Variants in GOLGA3 observed in about 807,000 individuals in gnomAD.
GOLGA3 encodes the protein golgin subfamily A member 3.
A neutral mutation model predicts 169.4 loss-of-function variants in GOLGA3; 75 were observed. That is an observed-to-expected ratio of 0.44 (90% CI 0.37 to 0.54). The LOEUF is 0.54. GOLGA3 is among the 20% of genes least tolerant of loss of function. The probability of loss-of-function intolerance (pLI) is 0.00; values close to 1 mark genes in which losing one functional copy is unlikely to be tolerated. For missense variants in GOLGA3, 1,899 were observed against 1,930.0 expected, an observed-to-expected ratio of 0.98 and a Z score of 0.30; for synonymous variants, 824 against 822.4, an observed-to-expected ratio of 1.00 and a Z score of -0.03.
intron 9 of GOLGA3, among the ~76,000 whole-genome samples, chr12:132,797,504 A>G (rs1244485309): frequency 6.6e-6 from 1 of 152,230 alleles, no homozygotes; most frequent in Non-Finnish European, 1.5e-5. Context: ...TGAGGTCAAG[A>G]GTTTGAGACT....
rs140572110 is a variant in GOLGA3 at position 132,807,243 on chromosome 12, C to T, written c.1224G>A (p.Leu408=). The T allele has an allele frequency of 2.2e-5, 35 of 1,600,154 alleles. No individual in the cohort carries two copies. The African/African-American group carries it at 4.5e-4, about 21-fold the overall frequency. The change falls in exon 6 of 24, where the codon CTG becomes CTA. Residue 408 remains leucine, a synonymous_variant. Transcript: ENST00000450791. ...GTCGCATTTTCTCTTTGAGCACCTG[C>T]AGCATCTCCTCCTGTGTTTCTGCTG... The part of the protein sequence containing the change: ...SSAAETQEEM[L]QVLKEKMRLE...
intron 2 of GOLGA3, among the ~76,000 whole-genome samples, chr12:132,821,698 C>CA (rs1156250775): frequency 1.3e-5 from 2 of 150,860 alleles, no homozygotes; most frequent in African/African-American, 4.9e-5. Context: ...ACTAAAAATA[C>CA]AAAAAATTAG....
At position 132,821,983 on chromosome 12, in the gene GOLGA3, C is replaced by A. The variant is rs528944733; in HGVS notation, c.133+13G>T. The stretch of plus-strand genomic sequence containing the variant: ...CTCCTGTGACCAGCACACAGAGGAA[C>A]CTCACGACTTACACTGGACTTTGTC... On this transcript the variant is annotated intron_variant, in intron 2 of 23. Coordinates refer to ENST00000450791, the MANE Select transcript of GOLGA3 (RefSeq NM_001389683.1). 1.5e-5 allele frequency: 24 copies of A among 1,586,960 alleles called. No homozygotes were observed. The East Asian group carries it at 5.2e-4, about 34-fold the overall frequency.
At chr12:132,795,037 A>C (rs1948761900) in intron 11 of GOLGA3, among the ~76,000 whole-genome samples, 1 of 151,940 alleles carries the variant, frequency 6.6e-6, no homozygotes, top group Non-Finnish European at 1.5e-5. Context: ...AAATACAAAA[A>C]TTAGCTGGGT....
At chr12:132,814,708 G>A (rs541210776) in intron 3 of GOLGA3, among the ~76,000 whole-genome samples, 2 of 152,362 alleles carry the variant, frequency 1.3e-5, no homozygotes, top group Non-Finnish European at 2.9e-5. Context: ...GCCCTCCAGG[G>A]CTGGGGGCGG....
At chr12:132,773,771 T>C (rs1197752845) in intron 23 of GOLGA3, among the ~76,000 whole-genome samples, 1 of 147,162 alleles carries the variant, frequency 6.8e-6, no homozygotes, top group Non-Finnish European at 1.5e-5. Context: ...TCCCACTTTA[T>C]ATAAACCGCA....
rs183307461 is a variant in GOLGA3, at chr12:132,789,024, G to A, written c.2811+3C>T. ...CAAATGAGTCAACCCGACACGGACAGACCTGCAAGTGTGTTTCCATCTCGT... is the reference window on the plus strand; with the variant it reads ...CAAATGAGTCAACCCGACACGGACAAACCTGCAAGTGTGTTTCCATCTCGT... On this transcript the variant is annotated splice_donor_region_variant and intron_variant, in intron 13 of 23. Coordinates refer to ENST00000450791, the MANE Select transcript of GOLGA3 (RefSeq NM_001389683.1). 2 of 1,546,690 alleles carry A rather than the reference G, an allele frequency of 1.3e-6. No homozygotes were observed. The highest frequency in any genetic ancestry group is 1.8e-6 in the Non-Finnish European group (2 of 1,142,176).
At chr12:132,810,619 G>A (rs777354420) in intron 4 of GOLGA3, among the ~76,000 whole-genome samples, 10 of 152,192 alleles carry the variant, frequency 6.6e-5, no homozygotes, top group East Asian at 3.9e-4. Context: ...AGACAAGTGC[G>A]AGCCTTCTGT....
chr12:132,815,519 C>A (rs1029480681), intron 3 of GOLGA3, among the ~76,000 whole-genome samples: 2 of 152,206 alleles, frequency 1.3e-5, no homozygotes, highest in African/African-American at 2.4e-5. Context: ...AGAATTGTTT[C>A]AAATAAACAC....
intron 9 of GOLGA3, among the ~76,000 whole-genome samples, chr12:132,798,090 A>AG (rs1244291192): frequency 7.1e-6 from 1 of 141,346 alleles, no homozygotes; most frequent in Non-Finnish European, 1.5e-5. Context: ...CCCACAGGTG[A>AG]GGATGAGGGG....
At chr12:132,821,163 T>C (rs1453334744) in intron 2 of GOLGA3, among the ~76,000 whole-genome samples, 1 of 149,014 alleles carries the variant, frequency 6.7e-6, no homozygotes, top group Admixed American at 6.7e-5. Flanking sequence ...TCTCAGCACT[T>C]TGGGATGCCA....
At chr12:132,790,907 C>T (rs959210197) in intron 12 of GOLGA3, among the ~76,000 whole-genome samples, 3 of 150,810 alleles carry the variant, frequency 2.0e-5, no homozygotes, top group Non-Finnish European at 4.4e-5. Flanking sequence ...AAAAATTAGC[C>T]GGACGTGGTG....
intron 7 of GOLGA3, 91 bp from the exon 8 acceptor site, chr12:132,802,060 C>G: frequency 2.1e-6 from 2 of 943,012 alleles, no homozygotes; most frequent in Non-Finnish European, 3.2e-6. Context: ...GCGGGACTCT[C>G]AGGGGAGACC....
intron 17 of GOLGA3, among the ~76,000 whole-genome samples, chr12:132,781,909 T>TCAACTAAGCAGGTCTGCCCCC (rs1226820980): frequency 6.6e-6 from 1 of 151,960 alleles, no homozygotes; most frequent in Non-Finnish European, 1.5e-5. Context: ...GGTCTACCCC[T>TCAACTAAGCAGGTCTGCCCCC]CAACTAAGCA....
chr12:132,778,180 G>A (rs2045352535), intron 18 of GOLGA3, among the ~76,000 whole-genome samples: 1 of 152,206 alleles, frequency 6.6e-6, no homozygotes, highest in Non-Finnish European at 1.5e-5. Context: ...GGAGGCTGAG[G>A]TGGAAGGATC....
In GOLGA3 at chr12:132,804,843, C is replaced by A. The variant is rs1304977641; in HGVS notation, c.1470G>T (p.Met490Ile). The A allele has an allele frequency of 6.2e-7, 1 of 1,614,076 alleles. No homozygotes were observed. Among genetic ancestry groups the A allele is most frequent in the Non-Finnish European group, 8.5e-7 (1 of 1,180,028 alleles). ...LERAMTDLQNMLEAKNASLAS... is the reference protein window; with the variant it reads ...LERAMTDLQNILEAKNASLAS... ...CCAGGCTGGCATTTTTTGCCTCCAGCATGTTCTGCAGGTCAGTCATGGCTC... is the reference window on the plus strand; with the variant it reads ...CCAGGCTGGCATTTTTTGCCTCCAGAATGTTCTGCAGGTCAGTCATGGCTC... Residue 490 changes from methionine (M) to isoleucine (I), a missense_variant, in exon 7 of 24, where the codon ATG (methionine) becomes ATT (isoleucine). Coordinates refer to ENST00000450791, the MANE Select transcript of GOLGA3 (RefSeq NM_001389683.1). This position sits in a 1 kb window ranked among gnomAD's most constrained non-coding sequence, Gnocchi z 4.1.
intron 18 of GOLGA3, among the ~76,000 whole-genome samples, chr12:132,780,421 A>G (rs2045533915): frequency 6.7e-6 from 1 of 148,680 alleles, no homozygotes; most frequent in African/African-American, 2.6e-5. Context: ...CAGCCACGAA[A>G]AGACAGCTCT....
chr12:132,796,465 C>A, intron 10 of GOLGA3, 74 bp downstream of exon 10: 1 of 1,487,288 alleles, frequency 6.7e-7, no homozygotes, highest in South Asian at 1.3e-5. Flanking sequence ...ACTGCTCGGT[C>A]TCCTTGTGTG....
chr12:132,769,291 C>G lies in GOLGA3; in HGVS notation c.*3814G>C, dbSNP rs1420602954. 1.3e-5 allele frequency: 2 copies of G among 152,284 alleles called. No individual in the cohort carries two copies. Among genetic ancestry groups the G allele is most frequent in the African/African-American group, 4.8e-5 (2 of 41,482 alleles). 9.4% of individuals were successfully genotyped at this position (152,284 alleles called of 1,614,324 possible). A position where few individuals can be genotyped will look rare whatever the true frequency, so the allele number is the denominator to read the frequency against. On this transcript the variant is annotated 3_prime_UTR_variant, in exon 24 of 24. Coordinates refer to ENST00000450791, the MANE Select transcript of GOLGA3 (RefSeq NM_001389683.1). Reference sequence around the variant, plus strand: ...AAGGGAGGCCCCAGGACGGTTCTCTCAGATTTGCTGGTCCCTCCCCTCCTA... The same window carrying G: ...AAGGGAGGCCCCAGGACGGTTCTCTGAGATTTGCTGGTCCCTCCCCTCCTA...
Sources: gnomAD v4.1 joint callset for allele counts (sites outside exome capture counted in the v4.1 genomes callset) on GRCh38, gnomAD v4.1.1 for gene constraint, Gnocchi (gnomAD v3.1) non-coding constraint, MANE v1.5 for transcripts, NCBI Gene and HGNC (gene_info 2026-07-23, HGNC 2026-07-21) for gene names.